KCND2: variants seen among roughly 807,000 people sequenced by gnomAD.
KCND2 encodes the protein potassium voltage-gated channel subfamily D member 2, also known as A-type voltage-gated potassium channel KCND2.
KCND2 carries 16 observed loss-of-function variants against 54.4 expected under a neutral mutation model. The observed-to-expected ratio is 0.29, with a 90% CI of 0.20 to 0.45. The LOEUF (loss-of-function observed/expected upper bound fraction) is 0.45. Ranked by LOEUF, KCND2 falls within the 20% of genes least tolerant of loss-of-function variation. KCND2 has a pLI of 1.00. For synonymous variants in KCND2, 317 were observed against 310.7 expected (o/e 1.02, Z -0.21); for missense variants, 486 against 824.2 (o/e 0.59, Z 5.02).
intron 1 of KCND2, among the ~76,000 whole-genome samples, chr7:120,350,478 G>T (rs1387833973): frequency 2.0e-5 from 3 of 152,000 alleles, no homozygotes; most frequent in Non-Finnish European, 2.9e-5. Context: ...CATATCCTAT[G>T]ATTTGTTTTT....
intron 1 of KCND2, among the ~76,000 whole-genome samples, chr7:120,715,160 C>T (rs1792587639): frequency 6.6e-6 from 1 of 151,946 alleles, no homozygotes; most frequent in South Asian, 2.1e-4. Context: ...CATCTTTCTG[C>T]TTGCACATGG....
At chr7:120,584,635 A>G (rs1327267200) in intron 1 of KCND2, among the ~76,000 whole-genome samples, 1 of 152,246 alleles carries the variant, frequency 6.6e-6, no homozygotes, top group Non-Finnish European at 1.5e-5. Context: ...TCACAGAAGC[A>G]TAATGGGACT....
chr7:120,359,888 A>G (rs1800568980), intron 1 of KCND2, among the ~76,000 whole-genome samples: 1 of 151,426 alleles, frequency 6.6e-6, no homozygotes, highest in African/African-American at 2.4e-5. Flanking sequence ...GCTCTTGCTC[A>G]CTCTCTCTCA....
At chr7:120,476,734 C>T (rs1802539345) in intron 1 of KCND2, among the ~76,000 whole-genome samples, 5 of 152,164 alleles carry the variant, frequency 3.3e-5, no homozygotes, top group Non-Finnish European at 7.4e-5. Flanking sequence ...CCATTATACT[C>T]TCTCTCTTTC....
intron 2 of KCND2, among the ~76,000 whole-genome samples, chr7:120,738,270 A>G (rs1792899060): frequency 6.6e-6 from 1 of 152,158 alleles, no homozygotes; most frequent in South Asian, 2.1e-4. Context: ...TTAACACCTC[A>G]GCATTTCCCA....
chr7:120,531,759 C>A (rs1166077044), intron 1 of KCND2, among the ~76,000 whole-genome samples: 1 of 152,080 alleles, frequency 6.6e-6, no homozygotes, highest in Non-Finnish European at 1.5e-5. Context: ...TACTCCTTTA[C>A]AAAAGACTTT....
chr7:120,618,148 C>A (rs1793052528), intron 1 of KCND2, among the ~76,000 whole-genome samples: 1 of 152,086 alleles, frequency 6.6e-6, no homozygotes, highest in Non-Finnish European at 1.5e-5. Context: ...GCATGTACCC[C>A]CTGAACCAAA....
At chr7:120,423,789 C>T (rs938153567) in intron 1 of KCND2, among the ~76,000 whole-genome samples, 5 of 152,172 alleles carry the variant, frequency 3.3e-5, no homozygotes, top group Non-Finnish European at 5.9e-5. Flanking sequence ...TGTTCTGGTA[C>T]GCACTGCTGG....
At position 120,319,882 on chromosome 7, in the gene KCND2, TA is replaced by T. The variant is rs1242040465; in HGVS notation, c.1115+44138del. Reference sequence around the variant, plus strand: ...ATTCTAATTAGTATCATGCTGCTTTTAAAGCCATGCAGTTTTTTGTTTTTTG... The same window carrying T: ...ATTCTAATTAGTATCATGCTGCTTTTAAGCCATGCAGTTTTTTGTTTTTTG... On this transcript the variant is annotated intron_variant, in intron 1 of 5. Coordinates refer to ENST00000331113, the MANE Select transcript of KCND2 (RefSeq NM_012281.3). 2.0e-5 allele frequency among the ~76,000 whole-genome samples: 3 copies of T among 152,268 alleles called. No homozygotes were observed. In the East Asian group the frequency reaches 5.8e-4, roughly 29 times the overall value.
intron 1 of KCND2, among the ~76,000 whole-genome samples, chr7:120,676,869 CACAATCTACA>C (rs1792067154): frequency 6.6e-6 from 1 of 152,108 alleles, no homozygotes; most frequent in African/African-American, 2.4e-5. Context: ...TCTGGGTAGC[CACAATCTACA>C]TAAGAACTAA....
At position 120,663,625 on chromosome 7, in the gene KCND2, A is replaced by G. The variant is rs1474769412; in HGVS notation, c.1116-69278A>G. Among the ~76,000 whole-genome samples, 3 of 152,150 alleles carry G rather than the reference A, an allele frequency of 2.0e-5. No individual in the cohort carries two copies. In the East Asian group the frequency reaches 5.8e-4, roughly 29 times the overall value. ...TCCCTGAGATAACCAGTACTAACCA[A>G]TCTATATTTATAGTTCTTATTTTTC... On this transcript the variant is annotated intron_variant, in intron 1 of 5. Coordinates refer to ENST00000331113, the MANE Select transcript of KCND2 (RefSeq NM_012281.3).
chr7:120,652,351 G>A (rs1791746197), intron 1 of KCND2, among the ~76,000 whole-genome samples: 1 of 152,160 alleles, frequency 6.6e-6, no homozygotes, highest in South Asian at 2.1e-4. Flanking sequence ...TGGGATTACA[G>A]GTGTGAGCAA....
At chr7:120,342,638 G>C (rs942924760) in intron 1 of KCND2, among the ~76,000 whole-genome samples, 1 of 152,018 alleles carries the variant, frequency 6.6e-6, no homozygotes, top group Non-Finnish European at 1.5e-5. Context: ...AAATACTAAA[G>C]TATTAATTTC....
chr7:120,674,480 A>G lies in KCND2; in HGVS notation c.1116-58423A>G, dbSNP rs558466207. 4.6e-5 allele frequency among the ~76,000 whole-genome samples: 7 copies of G among 152,274 alleles called. No homozygotes were observed. The East Asian group carries it at 1.4e-3, about 29-fold the overall frequency. On this transcript the variant is annotated intron_variant, in intron 1 of 5. Coordinates refer to ENST00000331113, the MANE Select transcript of KCND2 (RefSeq NM_012281.3). Reference sequence around the variant, plus strand: ...AATAAATGTAAATTGGCAGAAGAATAAATGAATGAATGAATGAATGAATAT... The same window carrying G: ...AATAAATGTAAATTGGCAGAAGAATGAATGAATGAATGAATGAATGAATAT...
In KCND2 at chr7:120,275,433, G is replaced by A. The variant is rs375854186; in HGVS notation, c.801G>A (p.Val267=). ...GTAGTGTCATGAGTATCATCGACGT[G>A]GTGGCCATCCTGCCTTATTACATTG... The part of the protein sequence containing the change: ...FVRSVMSIID[V]VAILPYYIGL... The change falls in exon 1 of 6, where the codon GTG becomes GTA. Residue 267 remains valine (V), a synonymous_variant. Transcript: ENST00000331113. 4.9e-5 allele frequency: 79 copies of A among 1,613,786 alleles called. No individual in the cohort carries two copies. In the African/African-American group the frequency reaches 8.5e-4, roughly 17 times the overall value.
At chr7:120,327,381 T>A (rs563629379) in intron 1 of KCND2, among the ~76,000 whole-genome samples, 49 of 152,230 alleles carry the variant, frequency 3.2e-4, no homozygotes, top group African/African-American at 1.2e-3. Context: ...TAAATGTTTT[T>A]ATCTCCACAT....
chr7:120,400,961 A>C (rs1801243713), intron 1 of KCND2, among the ~76,000 whole-genome samples: 1 of 147,786 alleles, frequency 6.8e-6, no homozygotes, highest in Admixed American at 6.8e-5. Context: ...TGTACTATTA[A>C]AAAAAAAAAA....
Position 120,725,451 on chromosome 7 carries a change from G to A in KCND2, c.1116-7452G>A, listed in dbSNP as rs145305033. On this transcript the variant is annotated intron_variant, in intron 1 of 5. Transcript: ENST00000331113. ...ATAATTTATGAAATTTGTGGGGTAG[G>A]GGTCAACTATTTCCAGAGGAATAAG... is the stretch of plus-strand genomic sequence containing the variant. 1.2e-4 allele frequency among the ~76,000 whole-genome samples: 18 copies of A among 152,138 alleles called. No individual in the cohort carries two copies. In the East Asian group the frequency reaches 3.5e-3, roughly 29 times the overall value.
At chr7:120,654,628 G>T (rs1451937996) in intron 1 of KCND2, among the ~76,000 whole-genome samples, 1 of 152,126 alleles carries the variant, frequency 6.6e-6, no homozygotes, top group African/African-American at 2.4e-5. Flanking sequence ...TTTATGCATT[G>T]TATATGTAAT....
Sources: gnomAD v4.1 joint callset for allele counts (sites outside exome capture counted in the v4.1 genomes callset) on GRCh38, gnomAD v4.1.1 for gene constraint, MANE v1.5 for transcripts, NCBI Gene and HGNC (gene_info 2026-07-23, HGNC 2026-07-21) for gene names.